The following USP34 variants were observed in gnomAD, a reference collection of about 807,000 sequenced individuals.
USP34 encodes ubiquitin specific peptidase 34, also known as ubiquitin carboxyl-terminal hydrolase 34.
A neutral mutation model predicts 460.3 loss-of-function variants in USP34; 70 were observed. The observed-to-expected ratio is 0.15, with a 90% CI of 0.13 to 0.19. USP34 has a LOEUF of 0.19. Ranked by LOEUF, USP34 falls within the 10% of genes least tolerant of loss-of-function variation. The pLI is 1.00. For missense variants in USP34, 3,985 were observed against 4,236.2 expected, an observed-to-expected ratio of 0.94 and a Z score of 1.65; for synonymous variants, 1,647 against 1,405.3, an observed-to-expected ratio of 1.17 and a Z score of -3.85.
rs748272760 is a variant in USP34, at chr2:61,284,936, C to T, written c.4771G>A (p.Gly1591Arg). The change falls in exon 35 of 80, where the codon GGA (glycine) becomes AGA (arginine). Residue 1591 changes from glycine (G) to arginine (R), a missense_variant. Gly to Arg is a moderately radical substitution (Grantham distance 125). This residue lies in a region of USP34 where 1,114 missense variants were observed against 1,122.5 expected (regional missense o/e 0.99). Coordinates refer to ENST00000398571, the MANE Select transcript of USP34 (RefSeq NM_014709.4). ...LTEVFLVLVQ[G>R]TSLIQRLMSV... is the part of the protein sequence containing the mutation. ...ATAAGTCGCTGAATCAAACTGGTTC[C>T]TTGGACAAGAACAAGAAATACCTTT... The T allele has an allele frequency of 6.2e-7, 1 of 1,610,530 alleles. No homozygotes were observed. The highest frequency in any genetic ancestry group is 8.5e-7 in the Non-Finnish European group (1 of 1,178,674).
intron 3 of USP34, among the ~76,000 whole-genome samples, chr2:61,395,760 T>C (rs1309352695): frequency 1.8e-5 from 2 of 113,100 alleles, no homozygotes; most frequent in Admixed American, 2.7e-4. Flanking sequence ...CACTCCCGCC[T>C]GGGCGACAGA....
chr2:61,196,745 C>A (rs1686822164), intron 75 of USP34, among the ~76,000 whole-genome samples: 1 of 152,038 alleles, frequency 6.6e-6, no homozygotes, highest in African/African-American at 2.4e-5. Context: ...GTTGCCCAGT[C>A]TGGTCTTGAG....
At chr2:61,369,530 C>G (rs904927526) in intron 10 of USP34, among the ~76,000 whole-genome samples, 6 of 150,468 alleles carry the variant, frequency 4.0e-5, no homozygotes, top group East Asian at 2.0e-4. Context: ...ATAGTCCTAG[C>G]TATTCAGGAG....
chr2:61,247,151 G>GA (rs993111313), intron 49 of USP34, among the ~76,000 whole-genome samples: 4 of 151,956 alleles, frequency 2.6e-5, no homozygotes, highest in Non-Finnish European at 4.4e-5. Flanking sequence ...AGATACTGAG[G>GA]AAAAAAAATG....
rs186076313 is a variant in USP34 at position 61,195,557 on chromosome 2, A to G, written c.9509-2577T>C. On this transcript the variant is annotated intron_variant, in intron 75 of 79. Transcript: ENST00000398571. The stretch of plus-strand genomic sequence containing the variant: ...CGTGGTGGCACGCACCTGTAATCCC[A>G]GCTACTCAGGAGGCTGAGGCAGGAG... Among the ~76,000 whole-genome samples the G allele has an allele frequency of 2.8e-3, 419 of 151,940 alleles. 1 individual carries two copies. Among genetic ancestry groups the G allele is most frequent in the African/African-American group, 9.4e-3 (390 of 41,486 alleles).
Position 61,296,997 on chromosome 2 carries a change from ATAAAG to A in USP34, c.4129-77_4129-73del, listed in dbSNP as rs572211668. On this transcript the variant is annotated intron_variant, in intron 29 of 79. Transcript: ENST00000398571. Reference sequence around the variant, plus strand: ...AAAAGTTTTAAGTTCAAATTTTTGCATAAAGTAATGATCAAATTTGCTAATAGTTT... The same window carrying A: ...AAAAGTTTTAAGTTCAAATTTTTGCATAATGATCAAATTTGCTAATAGTTT... 5.5e-5 allele frequency: 82 copies of A among 1,491,778 alleles called. No homozygotes were observed. The East Asian group carries it at 8.0e-4, about 15-fold the overall frequency. 92.4% of individuals were successfully genotyped at this position (1,491,778 alleles called of 1,614,324 possible).
At chr2:61,235,084 T>C (rs1029508830) in intron 57 of USP34, among the ~76,000 whole-genome samples, 2 of 152,182 alleles carry the variant, frequency 1.3e-5, no homozygotes, top group African/African-American at 2.4e-5. Flanking sequence ...AGGGAGGAGA[T>C]CTTGTGTCCT....
At chr2:61,344,579 T>C (rs1437125591) in intron 15 of USP34, among the ~76,000 whole-genome samples, 3 of 152,220 alleles carry the variant, frequency 2.0e-5, no homozygotes, top group Non-Finnish European at 4.4e-5. Context: ...TCACAAGTAG[T>C]ACCATTAATA....
chr2:61,280,091 T>C (rs1689489788), intron 39 of USP34, among the ~76,000 whole-genome samples, 153 bp downstream of exon 39: 1 of 152,014 alleles, frequency 6.6e-6, no homozygotes, highest in Non-Finnish European at 1.5e-5. Context: ...TAGAAGAAGG[T>C]GGAAAAGCAC....
chr2:61,425,758 G>A (rs1280361042), intron 1 of USP34, among the ~76,000 whole-genome samples: 1 of 152,108 alleles, frequency 6.6e-6, no homozygotes, highest in Non-Finnish European at 1.5e-5. Context: ...TGGGAAGGGG[G>A]ACAGGAAGCA....
At chr2:61,212,443 A>G (rs2103788595) in intron 68 of USP34, among the ~76,000 whole-genome samples, 1 of 152,358 alleles carries the variant, frequency 6.6e-6, no homozygotes, top group Non-Finnish European at 1.5e-5. Flanking sequence ...AAGATTTTAA[A>G]TGCCTAAATA....
intron 34 of USP34, among the ~76,000 whole-genome samples, chr2:61,287,960 C>T (rs1482602341): frequency 6.6e-6 from 1 of 152,222 alleles, no homozygotes; most frequent in Non-Finnish European, 1.5e-5. Context: ...AACCAAATTC[C>T]TCCTTTGCCA....
At chr2:61,420,042 A>G (rs758388784) in intron 2 of USP34, among the ~76,000 whole-genome samples, 2 of 152,212 alleles carry the variant, frequency 1.3e-5, no homozygotes, top group Non-Finnish European at 2.9e-5. Flanking sequence ...GCTAAACTCT[A>G]TGTTCAGCTA....
At position 61,314,971 on chromosome 2, in the gene USP34, A is replaced by C. The variant is rs1026212232; in HGVS notation, c.3286T>G (p.Cys1096Gly). Residue 1096 changes from cysteine (C) to glycine (G), a missense_variant, in exon 24 of 80, where the codon TGT (cysteine) becomes GGT (glycine). Cys to Gly is a radical substitution (Grantham distance 159). Transcript: ENST00000398571. ...AYDGCSNSEL[C>G]GMDQFWGIAL... ...ATGCCCCAAAATTGGTCCATACCAC[A>C]CAGCTAAGAAAGAAAAATATGGTAT... 6.2e-7 allele frequency: 1 copy of C among 1,607,230 alleles called. No homozygotes were observed. Among genetic ancestry groups the C allele is most frequent in the Non-Finnish European group, 8.5e-7 (1 of 1,178,114 alleles).
chr2:61,297,764 T>TG (rs1690072667), intron 29 of USP34, among the ~76,000 whole-genome samples: 1 of 152,140 alleles, frequency 6.6e-6, no homozygotes, highest in Non-Finnish European at 1.5e-5. Flanking sequence ...TTTTTTGAGA[T>TG]GGAGTTTCGC....
chr2:61,205,280 C>T (rs1283315331), intron 72 of USP34, among the ~76,000 whole-genome samples: 2 of 152,182 alleles, frequency 1.3e-5, no homozygotes, highest in African/African-American at 4.8e-5. Flanking sequence ...TTTTACGATG[C>T]TGGCTGGACT....
At chr2:61,257,941 C>T (rs937032790) in intron 44 of USP34, among the ~76,000 whole-genome samples, 2 of 152,132 alleles carry the variant, frequency 1.3e-5, no homozygotes, top group Non-Finnish European at 2.9e-5. Flanking sequence ...AATATACAAC[C>T]TTTACAGGCC....
At chr2:61,368,284 T>A (rs1281167341) in intron 10 of USP34, among the ~76,000 whole-genome samples, 1 of 152,106 alleles carries the variant, frequency 6.6e-6, no homozygotes, top group Non-Finnish European at 1.5e-5. Context: ...ACACAAAAAT[T>A]AGCTGGGCGT....
intron 35 of USP34, among the ~76,000 whole-genome samples, chr2:61,283,805 T>C (rs566244910): frequency 6.6e-6 from 1 of 152,238 alleles, no homozygotes; most frequent in African/African-American, 2.4e-5. Context: ...AGACTATATT[T>C]TAAGAGAGCT....
Sources: gnomAD v4.1 joint callset for allele counts (sites outside exome capture counted in the v4.1 genomes callset) on GRCh38, gnomAD v4.1.1 for gene constraint, gnomAD v4.1.1 regional missense constraint, MANE v1.5 for transcripts, NCBI Gene and HGNC (gene_info 2026-07-23, HGNC 2026-07-21) for gene names.